The following TSBP1 variants were observed in gnomAD, a reference collection of about 807,000 sequenced individuals.
TSBP1 encodes the protein testis-expressed basic protein 1.
Under a neutral mutation model 68.8 loss-of-function variants are expected in TSBP1, and 56 were observed. That is an observed-to-expected ratio of 0.81 (90% CI 0.66 to 1.02). The LOEUF (loss-of-function observed/expected upper bound fraction) is 1.02. TSBP1 is among the 50% of genes least tolerant of loss of function. TSBP1 has a pLI of 0.00. For missense variants in TSBP1, 502 were observed against 641.2 expected (o/e 0.78, Z 2.34); for synonymous variants, 171 against 208.7 (o/e 0.82, Z 1.56).
At chr6:32,300,737 G>C (rs1410791691) in intron 20 of TSBP1, 37 bp from the exon 24 acceptor site, 8 of 1,592,196 alleles carry the variant, frequency 5.0e-6, no homozygotes, top group Non-Finnish European at 6.9e-6. Context: ...AGTAGGTACT[G>C]GGCATTCCCT....
chr6:32,367,052 CGTGTGTGTGT>C (rs3038518), intron 4 of TSBP1, among the ~76,000 whole-genome samples: 5 of 148,344 alleles, frequency 3.4e-5, no homozygotes, highest in African/African-American at 1.2e-4. Flanking sequence ...ATGCTTGTAG[CGTGTGTGTGT>C]GTGTGTGTGT....
intron 6 of TSBP1, among the ~76,000 whole-genome samples, chr6:32,362,888 C>T (rs1156596127): frequency 1.3e-5 from 2 of 152,116 alleles, no homozygotes; most frequent in East Asian, 3.8e-4. Flanking sequence ...AACATTTATC[C>T]TTTCCCTATT....
intron 9 of TSBP1, among the ~76,000 whole-genome samples, chr6:32,345,493 G>C (rs1024216505): frequency 6.7e-6 from 1 of 149,408 alleles, no homozygotes; most frequent in Admixed American, 6.6e-5. Context: ...TTGAATTCTG[G>C]TTCCTCTACT....
chr6:32,368,108 G>A lies in TSBP1; in HGVS notation c.134-151C>T, dbSNP rs868826510. ...TGCAGGAACTAGGAATTGTGCATAA[G>A]CTACAAGAGCTGACGATGATAAGTG... is the stretch of plus-strand genomic sequence containing the variant. On this transcript the variant is annotated intron_variant, in intron 3 of 22. Coordinates refer to ENST00000612031, the Ensembl canonical transcript of TSBP1. The A allele has an allele frequency of 9.1e-5, 58 of 640,084 alleles. 1 individual carries two copies. In the African/African-American group the frequency reaches 1.0e-3, roughly 11 times the overall value. 39.7% of individuals were successfully genotyped at this position (640,084 alleles called of 1,614,324 possible).
At position 32,323,149 on chromosome 6, in the gene TSBP1, AG is replaced by A; in HGVS notation, c.539-13del. Reference sequence around the variant, plus strand: ...TGCCATGGGTGGACCTAAAAACCAAAGTAGATATTGGTGAAGATTTCTTTGA... The same window carrying A: ...TGCCATGGGTGGACCTAAAAACCAAATAGATATTGGTGAAGATTTCTTTGA... On this transcript the variant is annotated splice_polypyrimidine_tract_variant and intron_variant, in intron 17 of 22. Coordinates refer to ENST00000612031, the Ensembl canonical transcript of TSBP1. 1 of 1,548,220 alleles carries A rather than the reference AG, an allele frequency of 6.5e-7. No individual in the cohort carries two copies. The highest frequency in any genetic ancestry group is 8.9e-7 in the Non-Finnish European group (1 of 1,123,078).
intron 6 of TSBP1, among the ~76,000 whole-genome samples, chr6:32,363,587 TTG>T (rs1455525988): frequency 6.6e-6 from 1 of 151,550 alleles, no homozygotes; most frequent in African/African-American, 2.4e-5. Context: ...AACAGTCTAT[TTG>T]AAGCTAATAA....
chr6:32,316,296 G>T lies in TSBP1; in HGVS notation c.560-504C>A. On this transcript the variant is annotated intron_variant, in intron 18 of 22. Transcript: ENST00000612031. This position sits in a 1 kb window ranked among gnomAD's most constrained non-coding sequence, Gnocchi z 4.5. ...TAATATAGACCATGTAGGGTAATAAGGAAGCAAGGGAATAATGGGAACCAC... is the reference window on the plus strand; with the variant it reads ...TAATATAGACCATGTAGGGTAATAATGAAGCAAGGGAATAATGGGAACCAC... The T allele has an allele frequency of 1.1e-6, 1 of 943,276 alleles. No individual in the cohort carries two copies. The highest frequency in any genetic ancestry group is 1.7e-5 in the African/African-American group (1 of 60,294). The allele number at this position is 943,276 out of a possible 1,614,324, so 58.4% of individuals were successfully genotyped here.
At chr6:32,344,461 G>A (rs1770743326) in intron 9 of TSBP1, among the ~76,000 whole-genome samples, 1 of 152,020 alleles carries the variant, frequency 6.6e-6, no homozygotes, top group Non-Finnish European at 1.5e-5. Context: ...CTAGAAAGAG[G>A]TAAATAAGGA....
intron 16 of TSBP1, among the ~76,000 whole-genome samples, chr6:32,329,980 C>G (rs1768740028): frequency 6.6e-6 from 1 of 152,110 alleles, no homozygotes; most frequent in Admixed American, 6.5e-5. Flanking sequence ...ACTGTTATAT[C>G]CTGTTCCATG....
At chr6:32,355,943 G>A (rs1772270003) in intron 6 of TSBP1, among the ~76,000 whole-genome samples, 1 of 152,142 alleles carries the variant, frequency 6.6e-6, no homozygotes. Context: ...GGTAAGTTGA[G>A]GTCAAATAAA....
rs1194090425 is a variant in TSBP1 at position 32,365,949 on chromosome 6, A to G, written c.217+218T>C. 5.8e-6 allele frequency: 4 copies of G among 689,422 alleles called. No individual in the cohort carries two copies. Among genetic ancestry groups the G allele is most frequent in the Non-Finnish European group, 7.8e-6 (3 of 384,712 alleles). The allele number at this position is 689,422 out of a possible 1,614,324, so 42.7% of individuals were successfully genotyped here. On this transcript the variant is annotated intron_variant, in intron 6 of 22. Coordinates refer to ENST00000612031, the Ensembl canonical transcript of TSBP1. This position sits in a 1 kb window ranked among gnomAD's most constrained non-coding sequence, Gnocchi z 4.3. Reference sequence around the variant, plus strand: ...TTCTCTCATATTACTTTTGTTAAATAATTAGGAGTTGGATAGGAGAGGAAT... The same window carrying G: ...TTCTCTCATATTACTTTTGTTAAATGATTAGGAGTTGGATAGGAGAGGAAT...
intron 16 of TSBP1, among the ~76,000 whole-genome samples, chr6:32,329,065 C>G (rs9348881): frequency 0.34 from 52,231 of 151,936 alleles, 10,071 homozygotes; most frequent in Middle Eastern, 0.52. Context: ...AGGGCTGTTG[C>G]GAGCCACTAA....
At chr6:32,341,109 C>A (rs374399122) in intron 9 of TSBP1, among the ~76,000 whole-genome samples, 1 of 152,086 alleles carries the variant, frequency 6.6e-6, no homozygotes, top group East Asian at 1.9e-4. Context: ...AAAGGAAATT[C>A]TTGAACTGAG....
intron 18 of TSBP1, among the ~76,000 whole-genome samples, chr6:32,320,779 A>G (rs1767536031): frequency 6.6e-6 from 1 of 151,972 alleles, no homozygotes; most frequent in African/African-American, 2.4e-5. Context: ...TGTTGTACAG[A>G]TTATTTTTCT....
chr6:32,311,895 T>C (rs1306757995), intron 19 of TSBP1, among the ~76,000 whole-genome samples: 1 of 152,168 alleles, frequency 6.6e-6, no homozygotes, highest in Non-Finnish European at 1.5e-5. Flanking sequence ...GAGACAGTAG[T>C]GCAGAGTGTC....
exon 23 of TSBP1, chr6:32,293,200 C>T: frequency 2.5e-6 from 4 of 1,612,244 alleles, no homozygotes; most frequent in Non-Finnish European, 3.4e-6. Flanking sequence ...CCTCAAAACT[C>T]TCCTTCTTTT....
Position 32,335,478 on chromosome 6 carries a change from A to C in TSBP1, c.452-21T>G, listed in dbSNP as rs1228421771. 2 of 1,435,050 alleles carry C rather than the reference A, an allele frequency of 1.4e-6. No individual in the cohort carries two copies. The highest frequency in any genetic ancestry group is 2.6e-5 in the East Asian group (1 of 38,548). The allele number at this position is 1,435,050 out of a possible 1,614,324, so 88.9% of individuals were successfully genotyped here. On this transcript the variant is annotated intron_variant, in intron 13 of 22. Coordinates refer to ENST00000612031, the Ensembl canonical transcript of TSBP1. This position sits in a 1 kb window ranked among gnomAD's most constrained non-coding sequence, Gnocchi z 5.5. ...GAGCTCTAAAAAAAAAAGAGAAAAG[A>C]AATCAGTAGCTATATATATATTTTA... is the stretch of plus-strand genomic sequence containing the variant.
intron 20 of TSBP1, 76 bp from the exon 24 acceptor site, chr6:32,300,776 A>G: frequency 5.9e-6 from 7 of 1,190,840 alleles, no homozygotes; most frequent in Middle Eastern, 1.9e-4. Context: ...CTCTGCATTG[A>G]GTGGGATCTG....
intron 19 of TSBP1, among the ~76,000 whole-genome samples, chr6:32,313,867 G>A (rs945502834): frequency 2.6e-4 from 39 of 152,180 alleles, no homozygotes; most frequent in African/African-American, 8.7e-4. Context: ...CATGCCTGGG[G>A]CAGATGGGTG....
Sources: allele counts gnomAD v4.1 joint callset (sites outside exome capture counted in the v4.1 genomes callset), GRCh38; gene constraint gnomAD v4.1.1; non-coding constraint Gnocchi (gnomAD v3.1); transcripts MANE v1.5; gene names NCBI Gene and HGNC (gene_info 2026-07-23, HGNC 2026-07-21).